Variants in ADCY2 observed in about 807,000 individuals in gnomAD.
ADCY2 encodes adenylate cyclase 2.
A neutral mutation model predicts 125.2 loss-of-function variants in ADCY2; 31 were observed. That is an observed-to-expected ratio of 0.25 (90% CI 0.19 to 0.33). The LOEUF (loss-of-function observed/expected upper bound fraction) is 0.33. ADCY2 is among the 10% of genes least tolerant of loss of function. ADCY2 has a pLI of 1.00. For synonymous variants in ADCY2, 512 were observed against 548.4 expected (o/e 0.93, Z 0.93); for missense variants, 904 against 1,418.2 (o/e 0.64, Z 5.82).
Position 7,552,918 on chromosome 5 carries a change from A to G in ADCY2, c.570+32019A>G, listed in dbSNP as rs550867841. The stretch of plus-strand genomic sequence containing the variant: ...ACCTTCTATGGCCACCCTCCATCCT[A>G]CTAGTAAAGAAAAAGGCTGCTGTTG... On this transcript the variant is annotated intron_variant, in intron 3 of 24. Transcript: ENST00000338316. 3.3e-5 allele frequency among the ~76,000 whole-genome samples: 5 copies of G among 152,250 alleles called. No individual in the cohort carries two copies. The South Asian group carries it at 1.0e-3, about 32-fold the overall frequency.
chr5:7,780,195 A>G (rs1291343105), intron 18 of ADCY2, among the ~76,000 whole-genome samples: 12 of 152,232 alleles, frequency 7.9e-5, no homozygotes. Flanking sequence ...TGCCTTATGC[A>G]TCTTAACCTC....
chr5:7,697,255 A>G (rs1266881681), intron 6 of ADCY2, among the ~76,000 whole-genome samples: 2 of 152,164 alleles, frequency 1.3e-5, no homozygotes, highest in African/African-American at 4.8e-5. Flanking sequence ...TTCATTACCC[A>G]TAACAGAAGT....
At chr5:7,719,476 T>A (rs1206544211) in intron 12 of ADCY2, among the ~76,000 whole-genome samples, 1 of 152,250 alleles carries the variant, frequency 6.6e-6, no homozygotes, top group East Asian at 1.9e-4. Flanking sequence ...GATCTTTGTA[T>A]TTTCACTTGA....
chr5:7,425,701 T>G (rs1427002330), intron 2 of ADCY2, among the ~76,000 whole-genome samples: 10 of 152,244 alleles, frequency 6.6e-5, no homozygotes, highest in Admixed American at 6.5e-4. Context: ...AGGAGTGAAG[T>G]ACACACCTGC....
At chr5:7,815,601 T>C (rs1745085234) in intron 22 of ADCY2, among the ~76,000 whole-genome samples, 1 of 152,150 alleles carries the variant, frequency 6.6e-6, no homozygotes, top group African/African-American at 2.4e-5. Context: ...ATTCCAAATA[T>C]AAATATAGTA....
intron 14 of ADCY2, among the ~76,000 whole-genome samples, chr5:7,741,248 A>G (rs1742397427): frequency 6.6e-6 from 1 of 152,184 alleles, no homozygotes; most frequent in African/African-American, 2.4e-5. Context: ...CAGAACCTGG[A>G]TCAGGAATAC....
At chr5:7,735,640 G>A (rs1167898951) in intron 14 of ADCY2, among the ~76,000 whole-genome samples, 1 of 152,186 alleles carries the variant, frequency 6.6e-6, no homozygotes, top group Non-Finnish European at 1.5e-5. Context: ...CTGATATTCA[G>A]ATATTAAAGC....
intron 2 of ADCY2, among the ~76,000 whole-genome samples, chr5:7,518,890 C>T (rs796280760): frequency 1.3e-5 from 2 of 152,146 alleles, no homozygotes; most frequent in Non-Finnish European, 2.9e-5. Context: ...GCCCTGAGGC[C>T]CCTGAGAGCT....
chr5:7,790,278 C>G (rs945642329), intron 20 of ADCY2, among the ~76,000 whole-genome samples: 1 of 152,154 alleles, frequency 6.6e-6, no homozygotes, highest in Non-Finnish European at 1.5e-5. Flanking sequence ...CTTAGAATTT[C>G]AAAGATATCA....
intron 3 of ADCY2, among the ~76,000 whole-genome samples, chr5:7,619,966 A>C (rs77725007): frequency 0.011 from 1,700 of 152,266 alleles, 37 homozygotes; most frequent in African/African-American, 0.039. Flanking sequence ...CTGTGTTCTC[A>C]ATGAATTAAT....
chr5:7,410,757 G>A (rs370964917), intron 1 of ADCY2, among the ~76,000 whole-genome samples: 11 of 152,202 alleles, frequency 7.2e-5, no homozygotes, highest in African/African-American at 2.4e-4. Flanking sequence ...AAAGGGAGGA[G>A]GGGTGAGGAT....
chr5:7,565,109 G>T (rs1306665093), intron 3 of ADCY2, among the ~76,000 whole-genome samples: 1 of 152,198 alleles, frequency 6.6e-6, no homozygotes, highest in East Asian at 1.9e-4. Context: ...AAACGCACAT[G>T]GGCTGTAAAG....
chr5:7,540,691 T>C (rs1253927371), intron 3 of ADCY2, among the ~76,000 whole-genome samples: 2 of 152,178 alleles, frequency 1.3e-5, no homozygotes, highest in Admixed American at 1.3e-4. Flanking sequence ...GGTGAGCATT[T>C]CTCCCAGTTC....
intron 2 of ADCY2, among the ~76,000 whole-genome samples, chr5:7,467,925 A>C (rs1293002804): frequency 6.6e-6 from 1 of 152,234 alleles, no homozygotes; most frequent in African/African-American, 2.4e-5. Flanking sequence ...ATTAACAAAA[A>C]TATCGCCACT....
chr5:7,405,809 A>C (rs1739463970), intron 1 of ADCY2, among the ~76,000 whole-genome samples: 1 of 152,178 alleles, frequency 6.6e-6, no homozygotes, highest in South Asian at 2.1e-4. Flanking sequence ...GAGCAACCCT[A>C]ATTACTACAG....
At chr5:7,546,823 A>G (rs938929730) in intron 3 of ADCY2, among the ~76,000 whole-genome samples, 1 of 152,028 alleles carries the variant, frequency 6.6e-6, no homozygotes, top group African/African-American at 2.4e-5. Context: ...ACCTCCTCCA[A>G]TGCAGCATTT....
chr5:7,650,217 GACACACACACAC>G (rs3073883), intron 4 of ADCY2, among the ~76,000 whole-genome samples: 2 of 147,766 alleles, frequency 1.4e-5, no homozygotes, highest in Middle Eastern at 3.3e-3. Context: ...TGCAGGCACA[GACACACACACAC>G]ACACACACAC....
At chr5:7,589,528 A>AAAGAAAAGAG (rs1561112731) in intron 3 of ADCY2, among the ~76,000 whole-genome samples, 12 of 132,544 alleles carry the variant, frequency 9.1e-5, no homozygotes, top group Non-Finnish European at 8.0e-5. Flanking sequence ...AAGAAAGAGA[A>AAAGAAAAGAG]AGAAAGAAAG....
chr5:7,678,403 A>G (rs117346661), intron 4 of ADCY2, among the ~76,000 whole-genome samples: 1,843 of 152,352 alleles, frequency 0.012, 27 homozygotes, highest in African/African-American at 0.033. Flanking sequence ...ATCAGATATC[A>G]GAAGACCTTT....
Sources: allele counts gnomAD v4.1 joint callset (sites outside exome capture counted in the v4.1 genomes callset), GRCh38; gene constraint gnomAD v4.1.1; transcripts MANE v1.5; gene names NCBI Gene and HGNC (gene_info 2026-07-23, HGNC 2026-07-21).